CEP112: variants seen among roughly 807,000 people sequenced by gnomAD.
The protein encoded by CEP112 is centrosomal protein 112, also known as centrosomal protein of 112 kDa.
In CEP112, 127 loss-of-function variants were observed where a neutral mutation model predicts 153.0. That is an observed-to-expected ratio of 0.83 (90% CI 0.72 to 0.96). CEP112 has a LOEUF of 0.96. Among genes scored for constraint, CEP112 ranks in the 40% least tolerant of loss-of-function variants. The pLI, the probability that CEP112 is intolerant of heterozygous loss-of-function variation, is 0.00. For missense variants in CEP112, 1,089 were observed against 1,101.2 expected (o/e 0.99, Z 0.16); for synonymous variants, 358 against 374.4 (o/e 0.96, Z 0.51).
At chr17:66,035,318 C>A (rs1295775776) in intron 12 of CEP112, among the ~76,000 whole-genome samples, 1 of 152,050 alleles carries the variant, frequency 6.6e-6, no homozygotes, top group African/African-American at 2.4e-5. Flanking sequence ...GTCTGCACTA[C>A]TGGCCAGTCT....
At chr17:65,800,941 T>C (rs570538284) in intron 21 of CEP112, among the ~76,000 whole-genome samples, 1 of 152,342 alleles carries the variant, frequency 6.6e-6, no homozygotes, top group African/African-American at 2.4e-5. Flanking sequence ...TTCAACTCCA[T>C]TGCCCATTTG....
At chr17:65,647,372 C>T (rs2045498081) in intron 24 of CEP112, among the ~76,000 whole-genome samples, 1 of 151,520 alleles carries the variant, frequency 6.6e-6, no homozygotes, top group Non-Finnish European at 1.5e-5. Flanking sequence ...GGGGTTTCTC[C>T]ATGTTGGTCA....
chr17:66,113,445 A>T (rs229864), intron 6 of CEP112, among the ~76,000 whole-genome samples: 152,033 of 152,280 alleles, frequency 1, 75,894 homozygotes, highest in Middle Eastern at 1. Context: ...ATGCTCAAGC[A>T]CTAATTAAGT....
At chr17:65,953,945 A>T (rs1036402348) in intron 18 of CEP112, among the ~76,000 whole-genome samples, 2 of 152,152 alleles carry the variant, frequency 1.3e-5, no homozygotes, top group African/African-American at 2.4e-5. Flanking sequence ...GAGAAAACTG[A>T]ATACTTAAGC....
At chr17:66,172,985 C>G (rs568578191) in intron 4 of CEP112, among the ~76,000 whole-genome samples, 2 of 152,292 alleles carry the variant, frequency 1.3e-5, no homozygotes, top group East Asian at 3.9e-4. Context: ...CCTCACACTC[C>G]TGGGCCCAAG....
chr17:65,937,638 G>C lies in CEP112; in HGVS notation c.1873-9949C>G, dbSNP rs1447819789. ...AGGTGGGGGGGTCAGCCCCCCGCCC[G>C]GCCAGCCGCCCTGTCCGGGAGGTGA... On this transcript the variant is annotated intron_variant, in intron 18 of 26. Coordinates refer to ENST00000535342, the MANE Select transcript of CEP112 (RefSeq NM_001199165.4). Among the ~76,000 whole-genome samples, 2 of 89,096 alleles carry C rather than the reference G, an allele frequency of 2.2e-5. 1 individual carries two copies. Among genetic ancestry groups the C allele is most frequent in the East Asian group, 2.8e-3 (2 of 702 alleles). The allele number at this position is 89,096 out of a possible 152,430, so 58.5% of individuals were successfully genotyped here.
At chr17:66,142,182 A>G (rs2070730821) in intron 4 of CEP112, among the ~76,000 whole-genome samples, 1 of 152,156 alleles carries the variant, frequency 6.6e-6, no homozygotes, top group South Asian at 2.1e-4. Context: ...ACGTGTATTC[A>G]AGTTCTTTGC....
At chr17:66,110,042 C>G (rs1336063721) in intron 6 of CEP112, among the ~76,000 whole-genome samples, 1 of 152,162 alleles carries the variant, frequency 6.6e-6, no homozygotes, top group Non-Finnish European at 1.5e-5. Context: ...CACCTGTAGT[C>G]CCATCTACTC....
intron 16 of CEP112, among the ~76,000 whole-genome samples, chr17:66,020,955 G>T (rs2044179): frequency 0.41 from 62,370 of 151,824 alleles, 14,269 homozygotes; most frequent in East Asian, 0.87. Context: ...GAGAAGGTGA[G>T]CAGGGAGACA....
chr17:65,682,112 G>A (rs1339686979), intron 24 of CEP112, among the ~76,000 whole-genome samples: 4 of 152,006 alleles, frequency 2.6e-5, no homozygotes, highest in Non-Finnish European at 4.4e-5. Flanking sequence ...TCCTGCCTCA[G>A]TCTCCTGAGT....
chr17:66,037,894 GA>G (rs1031670896), intron 12 of CEP112, among the ~76,000 whole-genome samples: 2 of 151,818 alleles, frequency 1.3e-5, no homozygotes, highest in African/African-American at 2.4e-5. Flanking sequence ...GTATAATATA[GA>G]TTTTAAGTAT....
chr17:65,704,059 C>T (rs2048779314), intron 23 of CEP112, among the ~76,000 whole-genome samples: 1 of 151,938 alleles, frequency 6.6e-6, no homozygotes, highest in African/African-American at 2.4e-5. Context: ...GTAGAGTGGG[C>T]TCTTAATCCA....
intron 20 of CEP112, among the ~76,000 whole-genome samples, chr17:65,897,333 A>G (rs1186339916): frequency 6.6e-6 from 1 of 152,216 alleles, no homozygotes; most frequent in African/African-American, 2.4e-5. Flanking sequence ...TATTTTGGTT[A>G]TGCAGGTAGG....
At chr17:65,655,894 C>T (rs1467872587) in intron 24 of CEP112, among the ~76,000 whole-genome samples, 1 of 152,178 alleles carries the variant, frequency 6.6e-6, no homozygotes, top group African/African-American at 2.4e-5. Context: ...TATTACAGAG[C>T]TCCTATTAAT....
intron 17 of CEP112, among the ~76,000 whole-genome samples, chr17:66,000,507 A>G (rs75127248): frequency 6.7e-6 from 1 of 149,190 alleles, no homozygotes; most frequent in Non-Finnish European, 1.5e-5. Context: ...AAAAAAAAAA[A>G]GGATAACCTT....
chr17:65,868,811 C>G (rs1167224778), intron 20 of CEP112, among the ~76,000 whole-genome samples: 1 of 152,148 alleles, frequency 6.6e-6, no homozygotes, highest in African/African-American at 2.4e-5. Context: ...TACAATTATA[C>G]AATATGCGTT....
intron 1 of CEP112, among the ~76,000 whole-genome samples, chr17:66,188,642 G>A (rs2073045147): frequency 6.7e-6 from 1 of 150,184 alleles, no homozygotes; most frequent in Non-Finnish European, 1.5e-5. Context: ...CATTATCTGT[G>A]AGAAGCTCCT....
intron 4 of CEP112, among the ~76,000 whole-genome samples, chr17:66,174,183 C>G (rs1436805381): frequency 6.6e-6 from 1 of 152,222 alleles, no homozygotes; most frequent in Non-Finnish European, 1.5e-5. Flanking sequence ...CCGCCTCAGC[C>G]TCCCAAAGTG....
intron 17 of CEP112, among the ~76,000 whole-genome samples, chr17:65,971,593 ATG>A (rs2062823578): frequency 6.6e-6 from 1 of 150,382 alleles, no homozygotes; most frequent in Admixed American, 6.6e-5. Flanking sequence ...TATTACATGC[ATG>A]CATATTGTGT....
Sources: gnomAD v4.1 joint callset for allele counts (sites outside exome capture counted in the v4.1 genomes callset) on GRCh38, gnomAD v4.1.1 for gene constraint, MANE v1.5 for transcripts, NCBI Gene and HGNC (gene_info 2026-07-23, HGNC 2026-07-21) for gene names.